SLC8A3: variants seen among roughly 807,000 people sequenced by gnomAD.
The protein encoded by SLC8A3 is sodium/calcium exchanger 3.
SLC8A3 carries 37 observed loss-of-function variants against 65.4 expected under a neutral mutation model. The observed-to-expected ratio is 0.57, with a 90% CI of 0.44 to 0.74. The LOEUF is 0.74. Ranked by LOEUF, SLC8A3 falls within the 30% of genes least tolerant of loss-of-function variation. SLC8A3 has a pLI of 0.00. For synonymous variants in SLC8A3, 461 were observed against 444.5 expected, an observed-to-expected ratio of 1.04 and a Z score of -0.47; for missense variants, 1,112 against 1,172.1, an observed-to-expected ratio of 0.95 and a Z score of 0.75.
At chr14:70,140,537 T>C (rs1053356768) in intron 2 of SLC8A3, among the ~76,000 whole-genome samples, 7 of 152,212 alleles carry the variant, frequency 4.6e-5, no homozygotes, top group African/African-American at 7.2e-5. Context: ...CATGGATTTG[T>C]GTCCTTGCTC....
upstream of SLC8A3, among the ~76,000 whole-genome samples, chr14:70,189,275 C>A (rs1294306720): frequency 6.6e-6 from 1 of 152,152 alleles, no homozygotes; most frequent in Non-Finnish European, 1.5e-5. Context: ...CGCCTCCCGG[C>A]CGGCAGCACG....
chr14:70,161,768 C>T (rs925049141), intron 2 of SLC8A3, among the ~76,000 whole-genome samples: 7 of 152,162 alleles, frequency 4.6e-5, no homozygotes, highest in East Asian at 3.8e-4. Context: ...AACAAAAAAT[C>T]GATTGTGTTT....
chr14:70,115,913 G>C (rs891032587), intron 2 of SLC8A3, among the ~76,000 whole-genome samples: 1 of 152,190 alleles, frequency 6.6e-6, no homozygotes, highest in Admixed American at 6.5e-5. Context: ...TGTGAGAAGG[G>C]AAGAAGCGGA....
chr14:70,140,832 CTA>C (rs5809466), intron 2 of SLC8A3, among the ~76,000 whole-genome samples: 34,082 of 152,078 alleles, frequency 0.22, 4,590 homozygotes, highest in Admixed American at 0.32. Context: ...TTACCACAAA[CTA>C]TGAGTTTCCT....
At chr14:70,180,430 G>C (rs1311850761) in intron 1 of SLC8A3, among the ~76,000 whole-genome samples, 1 of 152,130 alleles carries the variant, frequency 6.6e-6, no homozygotes, top group Non-Finnish European at 1.5e-5. Flanking sequence ...TTACAAGGGG[G>C]TGCTAGGAGC....
intron 2 of SLC8A3, among the ~76,000 whole-genome samples, chr14:70,112,317 G>A (rs1302646298): frequency 6.6e-6 from 1 of 152,212 alleles, no homozygotes; most frequent in Non-Finnish European, 1.5e-5. Flanking sequence ...ATCACCTCTT[G>A]AGGACGAGGC....
At chr14:70,076,734 T>A (rs563175042) in intron 2 of SLC8A3, among the ~76,000 whole-genome samples, 103 of 152,334 alleles carry the variant, frequency 6.8e-4, no homozygotes, top group Non-Finnish European at 1.1e-3. Flanking sequence ...ATGAAAATAG[T>A]CATCTTGGCT....
chr14:70,166,255 T>C (rs1897153499), intron 2 of SLC8A3, among the ~76,000 whole-genome samples: 1 of 152,144 alleles, frequency 6.6e-6, no homozygotes, highest in Admixed American at 6.5e-5. Context: ...ACCCTTCATA[T>C]GAGGAAGGGA....
chr14:70,077,752 C>G (rs1303081980), intron 2 of SLC8A3, among the ~76,000 whole-genome samples: 1 of 152,192 alleles, frequency 6.6e-6, no homozygotes, highest in African/African-American at 2.4e-5. Context: ...ACCAATTTCT[C>G]AAGTTCCTTT....
chr14:70,061,296 G>T (rs1356161916), intron 2 of SLC8A3, among the ~76,000 whole-genome samples: 1 of 152,144 alleles, frequency 6.6e-6, no homozygotes, highest in African/African-American at 2.4e-5. Context: ...TAGGAAGTGA[G>T]TCAGGCAGCA....
At chr14:70,138,932 T>C (rs1895394077) in intron 2 of SLC8A3, among the ~76,000 whole-genome samples, 1 of 152,240 alleles carries the variant, frequency 6.6e-6, no homozygotes, top group South Asian at 2.1e-4. Flanking sequence ...AGAAAATACC[T>C]GCCCAGTGCC....
chr14:70,051,130 G>C, intron 4 of SLC8A3, 23 bp from the exon 5 acceptor site: 3 of 1,520,814 alleles, frequency 2.0e-6, no homozygotes, highest in Non-Finnish European at 2.7e-6. Flanking sequence ...GAAAAACTTG[G>C]AACCATGAGG....
In SLC8A3 at chr14:70,051,240, GCGATCT is replaced by G. The variant is rs1222112876; in HGVS notation, c.2014-139_2014-134del. On this transcript the variant is annotated intron_variant, in intron 4 of 6. Transcript: ENST00000356921. ...ACAGTTACGCATGGAATGGCCTTGGGCGATCTCTTTTGAGGCAATCCTTCTATTTCC... is the reference window on the plus strand; with the variant it reads ...ACAGTTACGCATGGAATGGCCTTGGGCTTTTGAGGCAATCCTTCTATTTCC... 3.6e-5 allele frequency: 23 copies of G among 630,244 alleles called. No individual in the cohort carries two copies. In the East Asian group the frequency reaches 6.2e-4, roughly 17 times the overall value. 39.0% of individuals were successfully genotyped at this position (630,244 alleles called of 1,614,324 possible).
intron 2 of SLC8A3, among the ~76,000 whole-genome samples, chr14:70,066,646 A>G (rs992197191): frequency 6.6e-6 from 1 of 152,174 alleles, no homozygotes; most frequent in Non-Finnish European, 1.5e-5. Context: ...CTCTGTCTCT[A>G]CTAAAAATAC....
intron 2 of SLC8A3, among the ~76,000 whole-genome samples, chr14:70,097,381 A>T (rs1248519177): frequency 6.6e-6 from 1 of 152,098 alleles, no homozygotes; most frequent in Non-Finnish European, 1.5e-5. Flanking sequence ...GTTACTATAA[A>T]TGGTTCTGTG....
chr14:70,156,607 C>T (rs114290417), intron 2 of SLC8A3, among the ~76,000 whole-genome samples: 2,083 of 152,294 alleles, frequency 0.014, 47 homozygotes, highest in African/African-American at 0.046. Flanking sequence ...GAGCACCTGA[C>T]ACAACCATAC....
At position 70,046,400 on chromosome 14, in the gene SLC8A3, A is replaced by T; in HGVS notation, c.2390-77T>A. 1.4e-6 allele frequency: 2 copies of T among 1,444,352 alleles called. No homozygotes were observed. Among genetic ancestry groups the T allele is most frequent in the South Asian group, 1.4e-5 (1 of 73,322 alleles). The allele number at this position is 1,444,352 out of a possible 1,614,324, so 89.5% of individuals were successfully genotyped here. Reference sequence around the variant, plus strand: ...GGCTTGTCTTCCAGTATGCCCAAAAAGCAGCTTGAGCTGGTGGGCTGAACC... The same window carrying T: ...GGCTTGTCTTCCAGTATGCCCAAAATGCAGCTTGAGCTGGTGGGCTGAACC... On this transcript the variant is annotated intron_variant, in intron 6 of 6. Coordinates refer to ENST00000356921, the MANE Select transcript of SLC8A3 (RefSeq NM_182932.3). The surrounding 1 kb of genome is among the most constrained non-coding windows in gnomAD (Gnocchi z 4.2).
chr14:70,167,501 C>T lies in SLC8A3; in HGVS notation c.922G>A (p.Glu308Lys). Residue 308 changes from glutamate (E) to lysine (K), a missense_variant, in exon 2 of 7, where the codon GAA becomes AAA. Coordinates refer to ENST00000356921, the MANE Select transcript of SLC8A3 (RefSeq NM_182932.3). ...DGNLVPLEGK[E>K]VDESRREMIR... is the part of the protein sequence containing the mutation. The stretch of plus-strand genomic sequence containing the variant: ...ATCTCTCTGCGGGACTCATCCACTT[C>T]CTTCCCTTCCAGGGGCACCAGGTTC... The T allele has an allele frequency of 2.5e-6, 4 of 1,614,076 alleles. No homozygotes were observed. Among genetic ancestry groups the T allele is most frequent in the Non-Finnish European group, 2.5e-6 (3 of 1,180,028 alleles).
Position 70,158,393 on chromosome 14 carries a change from T to G in SLC8A3, c.1784+8246A>C, listed in dbSNP as rs930340074. 1.6e-4 allele frequency among the ~76,000 whole-genome samples: 25 copies of G among 152,202 alleles called. 1 individual carries two copies. The highest frequency in any genetic ancestry group is 5.8e-4 in the African/African-American group (24 of 41,518). ...GGGAGAAACCTAAAAGGTCGACAAA[T>G]CAAGACCAAACAGCCTGGCAGAAGA... On this transcript the variant is annotated intron_variant, in intron 2 of 6. Transcript: ENST00000356921.
Sources: allele counts gnomAD v4.1 joint callset (sites outside exome capture counted in the v4.1 genomes callset), GRCh38; gene constraint gnomAD v4.1.1; non-coding constraint Gnocchi (gnomAD v3.1); transcripts MANE v1.5; gene names NCBI Gene and HGNC (gene_info 2026-07-23, HGNC 2026-07-21).